Variants in GPC6 observed in about 807,000 individuals in gnomAD.
GPC6 encodes the protein glypican-6.
In GPC6, 14 loss-of-function variants were observed where a neutral mutation model predicts 55.2. The observed-to-expected ratio is 0.25, with a 90% CI of 0.17 to 0.40. The LOEUF is 0.40. GPC6 is among the 10% of genes least tolerant of loss of function. GPC6 has a pLI of 1.00. For synonymous variants in GPC6, 278 were observed against 259.6 expected (o/e 1.07, Z -0.68); for missense variants, 641 against 708.5 (o/e 0.90, Z 1.08).
At chr13:93,570,043 A>G (rs1241350061) in intron 2 of GPC6, among the ~76,000 whole-genome samples, 1 of 152,124 alleles carries the variant, frequency 6.6e-6, no homozygotes, top group African/African-American at 2.4e-5. Context: ...ATGTCACTGA[A>G]TATTTTGATG....
At chr13:93,641,660 A>C (rs577484294) in intron 2 of GPC6, among the ~76,000 whole-genome samples, 4 of 152,018 alleles carry the variant, frequency 2.6e-5, no homozygotes, top group Non-Finnish European at 5.9e-5. Flanking sequence ...CTGGGTCACA[A>C]ATTGAATCAA....
intron 6 of GPC6, 48 bp from the exon 7 acceptor site, chr13:94,382,366 G>T: frequency 6.2e-7 from 1 of 1,610,290 alleles, no homozygotes; most frequent in Non-Finnish European, 8.5e-7. Context: ...TAGAAATGGG[G>T]AAAGCCTGAG....
intron 2 of GPC6, among the ~76,000 whole-genome samples, chr13:93,593,292 A>C (rs1392998139): frequency 6.6e-6 from 1 of 152,130 alleles, no homozygotes; most frequent in Non-Finnish European, 1.5e-5. Flanking sequence ...ATCTGAAACA[A>C]ATAAGTTTAA....
At chr13:93,933,676 T>C (rs1388036798) in intron 3 of GPC6, among the ~76,000 whole-genome samples, 1 of 152,220 alleles carries the variant, frequency 6.6e-6, no homozygotes, top group Non-Finnish European at 1.5e-5. Context: ...TGTTAGTTCT[T>C]GTTAGTACTG....
chr13:93,356,951 T>C (rs572054740), intron 1 of GPC6, among the ~76,000 whole-genome samples: 5 of 152,258 alleles, frequency 3.3e-5, no homozygotes, highest in East Asian at 1.9e-4. Context: ...TCAGCAAGCA[T>C]TAGGAGAATT....
intron 4 of GPC6, among the ~76,000 whole-genome samples, chr13:94,101,298 A>T (rs1000000624): frequency 1.3e-5 from 2 of 152,222 alleles, no homozygotes; most frequent in Non-Finnish European, 2.9e-5. Flanking sequence ...TTGCACCATT[A>T]AAGGTACTGA....
chr13:94,242,090 C>A (rs1323559348), intron 4 of GPC6, among the ~76,000 whole-genome samples: 1 of 151,812 alleles, frequency 6.6e-6, no homozygotes, highest in Admixed American at 6.6e-5. Flanking sequence ...CACAACAGGC[C>A]CCGGTGTGTG....
At chr13:94,363,371 GGATTCA>G (rs1194792810) in intron 6 of GPC6, among the ~76,000 whole-genome samples, 2 of 152,122 alleles carry the variant, frequency 1.3e-5, no homozygotes, top group Non-Finnish European at 2.9e-5. Flanking sequence ...GACATAGGCT[GGATTCA>G]AACAGACTTC....
rs140974748 is a variant in GPC6 at position 93,571,946 on chromosome 13, A to G, written c.319+26525A>G. ...TTCAAAAAATGATTTCATATTTTAA[A>G]AGACATGATCTAGTTTTACCATTAT... On this transcript the variant is annotated intron_variant, in intron 2 of 8. Coordinates refer to ENST00000377047, the MANE Select transcript of GPC6 (RefSeq NM_005708.5). Among the ~76,000 whole-genome samples, 720 of 151,940 alleles carry G rather than the reference A, an allele frequency of 4.7e-3. 3 individuals are homozygous for G. The highest frequency in any genetic ancestry group is 0.02 in the Middle Eastern group (6 of 294).
At chr13:93,402,559 G>A (rs747046810) in intron 1 of GPC6, among the ~76,000 whole-genome samples, 54 of 152,118 alleles carry the variant, frequency 3.5e-4, no homozygotes, top group Non-Finnish European at 6.2e-4. Context: ...AAATTGCCAT[G>A]GCCAGGCCGG....
intron 4 of GPC6, among the ~76,000 whole-genome samples, chr13:94,078,411 G>C (rs79804193): frequency 6.6e-6 from 1 of 151,680 alleles, no homozygotes; most frequent in African/African-American, 2.4e-5. Context: ...AAAGATTAGC[G>C]TAGAAATAAA....
At chr13:93,709,039 A>G (rs891377865) in intron 2 of GPC6, among the ~76,000 whole-genome samples, 5 of 151,822 alleles carry the variant, frequency 3.3e-5, no homozygotes, top group Non-Finnish European at 5.9e-5. Flanking sequence ...TTATTTCTCA[A>G]TGTAGACCCA....
intron 1 of GPC6, among the ~76,000 whole-genome samples, chr13:93,312,198 T>C (rs1879093307): frequency 6.6e-6 from 1 of 152,192 alleles, no homozygotes; most frequent in South Asian, 2.1e-4. Context: ...TCTGATAAAT[T>C]ATCTCTTTTG....
intron 6 of GPC6, among the ~76,000 whole-genome samples, chr13:94,323,049 T>G (rs566242095): frequency 1.3e-5 from 2 of 152,272 alleles, no homozygotes; most frequent in South Asian, 4.2e-4. Context: ...AACAGCCTCA[T>G]AAAACCTGCA....
chr13:94,266,396 C>T (rs2139056450), intron 4 of GPC6, among the ~76,000 whole-genome samples: 1 of 152,224 alleles, frequency 6.6e-6, no homozygotes, highest in East Asian at 1.9e-4. Context: ...TCTCGATCTC[C>T]TGACCTCGTG....
intron 3 of GPC6, among the ~76,000 whole-genome samples, chr13:93,842,656 A>G (rs1034974718): frequency 4.6e-5 from 7 of 152,158 alleles, no homozygotes; most frequent in Non-Finnish European, 8.8e-5. Context: ...AAATAATATT[A>G]TGAATCACCC....
At chr13:93,485,765 G>A (rs1002616027) in intron 1 of GPC6, among the ~76,000 whole-genome samples, 1 of 152,126 alleles carries the variant, frequency 6.6e-6, no homozygotes, top group African/African-American at 2.4e-5. Context: ...GTAATGGTTA[G>A]TTTATTCTTG....
chr13:93,578,690 C>T (rs1421435996), intron 2 of GPC6, among the ~76,000 whole-genome samples: 3 of 149,022 alleles, frequency 2.0e-5, no homozygotes, highest in Admixed American at 6.7e-5. Flanking sequence ...TTTATTTCTG[C>T]TCTGATCTTT....
chr13:93,767,181 C>T (rs1885152698), intron 2 of GPC6, among the ~76,000 whole-genome samples: 1 of 152,122 alleles, frequency 6.6e-6, no homozygotes, highest in African/African-American at 2.4e-5. Flanking sequence ...AATGAAGGTA[C>T]TCCTTTTTTT....
Sources: allele counts gnomAD v4.1 joint callset (sites outside exome capture counted in the v4.1 genomes callset), GRCh38; gene constraint gnomAD v4.1.1; transcripts MANE v1.5; gene names NCBI Gene and HGNC (gene_info 2026-07-23, HGNC 2026-07-21).